PPP2R2C: variants seen among roughly 807,000 people sequenced by gnomAD.
The protein encoded by PPP2R2C is protein phosphatase 2 regulatory subunit Bgamma, also known as protein phosphatase 2, regulatory subunit B, gamma.
In PPP2R2C, 10 loss-of-function variants were observed where a neutral mutation model predicts 45.3. That is an observed-to-expected ratio of 0.22 (90% CI 0.14 to 0.37). The LOEUF (loss-of-function observed/expected upper bound fraction) is 0.37. Among genes scored for constraint, PPP2R2C ranks in the 10% least tolerant of loss-of-function variants. The pLI, the probability that PPP2R2C is intolerant of heterozygous loss-of-function variation, is 1.00. For missense variants in PPP2R2C, 308 were observed against 619.7 expected (o/e 0.50, Z 5.34); for synonymous variants, 257 against 245.4 (o/e 1.05, Z -0.44).
intron 2 of PPP2R2C, among the ~76,000 whole-genome samples, chr4:6,499,877 T>C (rs1477231711): frequency 6.6e-6 from 1 of 152,038 alleles, no homozygotes; most frequent in Non-Finnish European, 1.5e-5. Context: ...TGCAAGGGTA[T>C]GCCCCTCCCC....
chr4:6,397,846 T>C (rs1223296512), intron 1 of PPP2R2C, among the ~76,000 whole-genome samples: 3 of 152,140 alleles, frequency 2.0e-5, no homozygotes, highest in South Asian at 2.1e-4. Context: ...CAAAATGACT[T>C]TGCAATAAAT....
rs1410246289 is a variant in PPP2R2C, at chr4:6,481,376, T to C, written c.49+53895A>G. Among the ~76,000 whole-genome samples, 3 of 152,214 alleles carry C rather than the reference T, an allele frequency of 2.0e-5. No individual in the cohort carries two copies. In the East Asian group the frequency reaches 5.8e-4, roughly 29 times the overall value. ...GATCAAATTACATACTTTTTCCATATGAAGAAAATAATATCCAAATCATTC... is the reference window on the plus strand; with the variant it reads ...GATCAAATTACATACTTTTTCCATACGAAGAAAATAATATCCAAATCATTC... On this transcript the variant is annotated intron_variant, in intron 2 of 9. Coordinates refer to the PPP2R2C transcript ENST00000506140.
rs1732187094 is a variant in PPP2R2C, at chr4:6,329,096, C to T, written c.1052+166G>A. ...ATGTCCTGCCCCTTGAATCTGAGCG[C>T]TGAGAGTTGGACCTGCTCTGGAAAG... On this transcript the variant is annotated intron_variant, in intron 8 of 8. Transcript: ENST00000382599. The surrounding 1 kb of genome is among the most constrained non-coding windows in gnomAD (Gnocchi z 5.8). Among the ~76,000 whole-genome samples, 1 of 152,186 alleles carries T rather than the reference C, an allele frequency of 6.6e-6. No individual in the cohort carries two copies. The highest frequency in any genetic ancestry group is 2.1e-4 in the South Asian group (1 of 4,830).
intron 1 of PPP2R2C, among the ~76,000 whole-genome samples, chr4:6,449,485 G>C (rs1200233120): frequency 6.6e-6 from 1 of 152,208 alleles, no homozygotes; most frequent in Non-Finnish European, 1.5e-5. Context: ...CTGGAGAGGA[G>C]TGAAAACACA....
At chr4:6,422,162 T>A (rs904861267) in intron 1 of PPP2R2C, among the ~76,000 whole-genome samples, 3 of 152,070 alleles carry the variant, frequency 2.0e-5, no homozygotes, top group African/African-American at 7.2e-5. Flanking sequence ...GACCCAAGAC[T>A]TGGGAGGTTG....
intron 1 of PPP2R2C, among the ~76,000 whole-genome samples, chr4:6,546,048 G>A (rs1489564944): frequency 2.0e-5 from 3 of 152,174 alleles, no homozygotes; most frequent in African/African-American, 4.8e-5. Flanking sequence ...GAATCAACAC[G>A]TGGCTAAACG....
At chr4:6,425,555 TC>T (rs1719238255) in intron 1 of PPP2R2C, among the ~76,000 whole-genome samples, 1 of 152,110 alleles carries the variant, frequency 6.6e-6, no homozygotes, top group Non-Finnish European at 1.5e-5. Context: ...CCCCTCAGCC[TC>T]CCCCATGACG....
chr4:6,441,148 C>A (rs1327840099), intron 1 of PPP2R2C, among the ~76,000 whole-genome samples: 1 of 152,086 alleles, frequency 6.6e-6, no homozygotes, highest in East Asian at 1.9e-4. Flanking sequence ...GTTCCAGCAG[C>A]CTGAGGGAAG....
chr4:6,375,579 T>G (rs998027882), intron 4 of PPP2R2C, among the ~76,000 whole-genome samples: 9 of 152,176 alleles, frequency 5.9e-5, no homozygotes, highest in Admixed American at 2.0e-4. Flanking sequence ...GAAAAGCACT[T>G]TACAGCCATA....
Position 6,511,513 on chromosome 4 carries a change from GTGGTGGTGGTGA to G in PPP2R2C, c.49+23746_49+23757del, listed in dbSNP as rs1560593770. Among the ~76,000 whole-genome samples, 165 of 28,026 alleles carry G rather than the reference GTGGTGGTGGTGA, an allele frequency of 5.9e-3. 17 individuals are homozygous for G. Among genetic ancestry groups the G allele is most frequent in the Non-Finnish European group, 9.7e-3 (114 of 11,740 alleles). The allele number at this position is 28,026 out of a possible 152,430, so 18.4% of individuals were successfully genotyped here. On this transcript the variant is annotated intron_variant, in intron 2 of 9. Transcript: ENST00000506140. ...GGTGGTGATGGCGGTGATGGTGGTG[GTGGTGGTGGTGA>G]TGGTGGTGGTGGTGGTGGTGATGGT...
At chr4:6,519,574 G>C (rs1723949509) in intron 2 of PPP2R2C, among the ~76,000 whole-genome samples, 1 of 152,224 alleles carries the variant, frequency 6.6e-6, no homozygotes, top group South Asian at 2.1e-4. Flanking sequence ...TTGCCCATTT[G>C]ATAATTCTGT....
intron 1 of PPP2R2C, among the ~76,000 whole-genome samples, chr4:6,438,539 A>G (rs1720001622): frequency 1.3e-5 from 2 of 152,292 alleles, no homozygotes; most frequent in Middle Eastern, 3.4e-3. Flanking sequence ...TTCCTTCAAG[A>G]TAAGATTGTA....
intron 5 of PPP2R2C, among the ~76,000 whole-genome samples, chr4:6,352,280 T>C (rs55733513): frequency 0.32 from 48,143 of 152,038 alleles, 7,735 homozygotes; most frequent in African/African-American, 0.35. Flanking sequence ...TGGAACATCA[T>C]TTCCATTCTG....
At chr4:6,417,543 G>A (rs1302973304) in intron 1 of PPP2R2C, among the ~76,000 whole-genome samples, 1 of 152,208 alleles carries the variant, frequency 6.6e-6, no homozygotes, top group East Asian at 1.9e-4. Context: ...AGACATCACG[G>A]GGCATGTTTC....
At chr4:6,507,577 T>C (rs1337984926) in intron 2 of PPP2R2C, among the ~76,000 whole-genome samples, 1 of 152,252 alleles carries the variant, frequency 6.6e-6, no homozygotes. Context: ...GCACCTTGGA[T>C]GACCCAGGCC....
chr4:6,334,118 G>A (rs974474028), intron 6 of PPP2R2C, among the ~76,000 whole-genome samples: 2 of 152,184 alleles, frequency 1.3e-5, no homozygotes, highest in Admixed American at 6.5e-5. Context: ...CAAATGTGCT[G>A]GACAATGTCC....
chr4:6,495,132 C>T (rs1722836160), intron 2 of PPP2R2C, among the ~76,000 whole-genome samples: 1 of 152,252 alleles, frequency 6.6e-6, no homozygotes, highest in Non-Finnish European at 1.5e-5. Flanking sequence ...GGCTACGTGG[C>T]CTCCACAGCC....
In PPP2R2C at chr4:6,438,211, T is replaced by C. The variant is rs555770480; in HGVS notation, c.70+33949A>G. ...TACTATGACCATTGCCTTTGCAAAG[T>C]AGGTCGTATGCAATTTGTACATAGG... On this transcript the variant is annotated intron_variant, in intron 1 of 8. Coordinates refer to ENST00000382599, the MANE Select transcript of PPP2R2C (RefSeq NM_020416.4). Among the ~76,000 whole-genome samples, 12 of 152,344 alleles carry C rather than the reference T, an allele frequency of 7.9e-5. No homozygotes were observed. The East Asian group carries it at 2.1e-3, about 27-fold the overall frequency.
intron 1 of PPP2R2C, among the ~76,000 whole-genome samples, chr4:6,539,952 C>A (rs930628606): frequency 1.2e-4 from 19 of 152,310 alleles, no homozygotes; most frequent in Admixed American, 9.8e-4. Flanking sequence ...CACGTGGCCA[C>A]CTGCCCCAGG....
Sources: allele counts gnomAD v4.1 joint callset (sites outside exome capture counted in the v4.1 genomes callset), GRCh38; gene constraint gnomAD v4.1.1; non-coding constraint Gnocchi (gnomAD v3.1); transcripts MANE v1.5; gene names NCBI Gene and HGNC (gene_info 2026-07-23, HGNC 2026-07-21).